The following PGM3 variants were observed in gnomAD, a reference collection of about 807,000 sequenced individuals.
PGM3 encodes phosphoacetylglucosamine mutase.
In PGM3, 40 loss-of-function variants were observed where a neutral mutation model predicts 66.2. That is an observed-to-expected ratio of 0.60 (90% CI 0.47 to 0.79). The LOEUF is 0.79. Ranked by LOEUF, PGM3 falls within the 30% of genes least tolerant of loss-of-function variation. The pLI, the probability that PGM3 is intolerant of heterozygous loss-of-function variation, is 0.00. For synonymous variants in PGM3, 191 were observed against 224.2 expected (o/e 0.85, Z 1.32); for missense variants, 537 against 643.4 (o/e 0.83, Z 1.79).
At chr6:83,164,757 A>C (rs1221008091), downstream of PGM3, 1 of 1,535,984 alleles carries the variant, frequency 6.5e-7, no homozygotes, top group Non-Finnish European at 8.8e-7. Context: ...TATGGCAGCA[A>C]AAGTTGCCAA....
chr6:83,169,344 G>C (rs774571150), intron 12 of PGM3, 21 bp from the exon 13 acceptor site: 2 of 1,612,820 alleles, frequency 1.2e-6, no homozygotes, highest in Non-Finnish European at 1.7e-6. Context: ...CATTAAAAGA[G>C]ATTAGATGAG....
At chr6:83,148,791 CGT>C in the PGM3 span, 1 of 1,560,264 alleles carries the variant, frequency 6.4e-7, no homozygotes, top group Non-Finnish European at 8.6e-7. Context: ...GATAGCTGGG[CGT>C]CACTGTTGAT....
downstream of PGM3, among the ~76,000 whole-genome samples, chr6:83,163,205 AAAG>A (rs1392349330): frequency 6.6e-6 from 1 of 152,208 alleles, no homozygotes; most frequent in African/African-American, 2.4e-5. Flanking sequence ...TCCCCTCAAA[AAAG>A]AAAATAAAAA....
rs142183146 is a variant in PGM3 at position 83,183,856 on chromosome 6, C to T, written c.458-878G>A. On this transcript the variant is annotated intron_variant, in intron 4 of 12. Transcript: ENST00000513973. ...TTCTCCTGCCAAGTAGCTGAGATTA[C>T]AGGCACCCACCACCACGCCCGGCTA... Among the ~76,000 whole-genome samples the T allele has an allele frequency of 7.0e-3, 1,071 of 152,220 alleles. 6 individuals carry two copies. Among genetic ancestry groups the T allele is most frequent in the Middle Eastern group, 0.02 (6 of 294 alleles).
rs911369481 is a variant in PGM3 at position 83,168,048 on chromosome 6, A to G, written c.*1186T>C. On this transcript the variant is annotated 3_prime_UTR_variant, in exon 13 of 13. Transcript: ENST00000513973. ...CTCAGGGAGTCCTATCCTCTACTCAAATGCCTTCCCTAATAAGGACATGAA... is the reference window on the plus strand; with the variant it reads ...CTCAGGGAGTCCTATCCTCTACTCAGATGCCTTCCCTAATAAGGACATGAA... 2 of 1,614,200 alleles carry G rather than the reference A, an allele frequency of 1.2e-6. No homozygotes were observed. Among genetic ancestry groups the G allele is most frequent in the Admixed American group, 1.7e-5 (1 of 60,024 alleles).
intron 1 of PGM3, among the ~76,000 whole-genome samples, chr6:83,191,958 CAAAAAAA>C (rs1219337174): frequency 1.8e-4 from 7 of 39,364 alleles, no homozygotes; most frequent in African/African-American, 5.1e-4. Flanking sequence ...GACTCGGTCT[CAAAAAAA>C]AAAAAAAAAA....
At chr6:83,163,992 A>C (rs1310736993), downstream of PGM3, among the ~76,000 whole-genome samples, 1 of 151,574 alleles carries the variant, frequency 6.6e-6, no homozygotes, top group Non-Finnish European at 1.5e-5. Flanking sequence ...TGGTATGCTC[A>C]CCATTGGGCC....
At chr6:83,164,634 G>GT, downstream of PGM3, 1 of 1,556,972 alleles carries the variant, frequency 6.4e-7, no homozygotes, top group Non-Finnish European at 8.7e-7. Context: ...AACAAAGGCT[G>GT]TGAGTTCTCC....
At chr6:83,148,842 C>A in the PGM3 span, 1 of 1,543,720 alleles carries the variant, frequency 6.5e-7, no homozygotes, top group Non-Finnish European at 8.7e-7. Flanking sequence ...CTTCCAGCTC[C>A]AGGGCAGTTT....
chr6:83,168,583 C>T lies in PGM3; in HGVS notation c.*651G>A, dbSNP rs1181262181. 1.6e-5 allele frequency: 16 copies of T among 996,776 alleles called. No homozygotes were observed. The highest frequency in any genetic ancestry group is 1.1e-4 in the East Asian group (1 of 9,264). 61.7% of individuals were successfully genotyped at this position (996,776 alleles called of 1,614,324 possible). ...TCCTTCTCCATCAGAGGCTGGGAAA[C>T]GTATTATAATTAGTTTTTCTCCCAC... On this transcript the variant is annotated 3_prime_UTR_variant, in exon 13 of 13. Coordinates refer to ENST00000513973, the MANE Select transcript of PGM3 (RefSeq NM_015599.3).
At chr6:83,190,364 C>T (rs1788953333) in intron 2 of PGM3, 1 of 162,444 alleles carries the variant, frequency 6.2e-6, no homozygotes, top group African/African-American at 2.4e-5. Context: ...AATATTCTGC[C>T]AAAGCTCACC....
intron 8 of PGM3, among the ~76,000 whole-genome samples, chr6:83,176,925 A>G (rs1787814765): frequency 6.6e-6 from 1 of 152,208 alleles, no homozygotes; most frequent in East Asian, 1.9e-4. Context: ...AAGGCAGGCA[A>G]ATGGGCCCCA....
At chr6:83,191,957 T>TCAAAAAAAAAAAA (rs1789118086) in intron 1 of PGM3, among the ~76,000 whole-genome samples, 1 of 36,920 alleles carries the variant, frequency 2.7e-5, no homozygotes, top group Admixed American at 3.4e-4. Flanking sequence ...AGACTCGGTC[T>TCAAAAAAAAAAAA]CAAAAAAAAA....
chr6:83,161,986 T>G (rs763805823), downstream of PGM3, among the ~76,000 whole-genome samples: 1 of 152,154 alleles, frequency 6.6e-6, no homozygotes, highest in Non-Finnish European at 1.5e-5. Context: ...TTTTATATGA[T>G]GCAGAATTGT....
At chr6:83,160,991 C>A (rs978494443), downstream of PGM3, among the ~76,000 whole-genome samples, 2 of 151,666 alleles carry the variant, frequency 1.3e-5, no homozygotes, top group African/African-American at 4.8e-5. Flanking sequence ...ATATATATAT[C>A]TACTTTTTGA....
intron 6 of PGM3, among the ~76,000 whole-genome samples, chr6:83,181,011 TA>T (rs1359484478): frequency 1.3e-5 from 2 of 152,190 alleles, no homozygotes; most frequent in Non-Finnish European, 2.9e-5. Context: ...ACGGAATTTT[TA>T]AACAGTGGCA....
At chr6:83,149,722 A>T in the PGM3 span, among the ~76,000 whole-genome samples, 3 of 152,046 alleles carry the variant, frequency 2.0e-5, no homozygotes. Context: ...TTCAAGTGGG[A>T]AGTGTGGGGA....
chr6:83,150,721 A>T, the PGM3 span, among the ~76,000 whole-genome samples: 1 of 152,184 alleles, frequency 6.6e-6, no homozygotes, highest in East Asian at 1.9e-4. Context: ...AATAATGAAA[A>T]TGGAAATTTT....
At chr6:83,173,547 A>AATT (rs1004180322) in intron 10 of PGM3, among the ~76,000 whole-genome samples, 28 of 152,078 alleles carry the variant, frequency 1.8e-4, no homozygotes, top group African/African-American at 5.6e-4. Flanking sequence ...ATAAAATGGA[A>AATT]ATTACAGTAA....
Sources: gnomAD v4.1 joint callset for allele counts (sites outside exome capture counted in the v4.1 genomes callset) on GRCh38, gnomAD v4.1.1 for gene constraint, MANE v1.5 for transcripts, NCBI Gene and HGNC (gene_info 2026-07-23, HGNC 2026-07-21) for gene names.